The following DGKH variants were observed in gnomAD, a reference collection of about 807,000 sequenced individuals.
The protein encoded by DGKH is DAG kinase eta.
In DGKH, 90 loss-of-function variants were observed where a neutral mutation model predicts 159.3. The observed-to-expected ratio is 0.57, with a 90% CI of 0.48 to 0.67. The LOEUF (loss-of-function observed/expected upper bound fraction) is 0.67. Ranked by LOEUF, DGKH falls within the 30% of genes least tolerant of loss-of-function variation. The probability of loss-of-function intolerance (pLI) is 0.00; values close to 1 mark genes in which losing one functional copy is unlikely to be tolerated. For missense variants in DGKH, 1,181 were observed against 1,506.1 expected, an observed-to-expected ratio of 0.78 and a Z score of 3.57; for synonymous variants, 536 against 553.8, an observed-to-expected ratio of 0.97 and a Z score of 0.45.
chr13:42,069,378 T>G, intron 1 of DGKH: 1 of 1,509,832 alleles, frequency 6.6e-7, no homozygotes, highest in South Asian at 1.2e-5. Context: ...CTGTTTTTCT[T>G]GACTTACTGA....
chr13:42,074,262 G>GT (rs753374923), intron 1 of DGKH, among the ~76,000 whole-genome samples: 3 of 152,048 alleles, frequency 2.0e-5, no homozygotes, highest in African/African-American at 2.4e-5. Flanking sequence ...TTTGGCTTAG[G>GT]TATTGCTATT....
intron 29 of DGKH, among the ~76,000 whole-genome samples, chr13:42,248,407 C>T (rs1463442589): frequency 1.3e-5 from 2 of 149,088 alleles, no homozygotes; most frequent in Non-Finnish European, 3.0e-5. Flanking sequence ...GCCTGGGTAA[C>T]AGAGCGAGAC....
At chr13:42,165,193 T>G in intron 7 of DGKH, 138 bp from the exon 8 acceptor site, 1 of 459,670 alleles carries the variant, frequency 2.2e-6, no homozygotes, top group East Asian at 3.5e-5. Context: ...GTATAAATGT[T>G]ATACCATTTA....
rs145781520 is a variant in DGKH, at chr13:42,151,220, C to T, written c.385-4071C>T. On this transcript the variant is annotated intron_variant, in intron 3 of 29. Transcript: ENST00000337343. ...GGTGAAGTCTGGATTTTTAGTGTAA[C>T]CATCACCTGAATAGTGCACATTGTG... Among the ~76,000 whole-genome samples the T allele has an allele frequency of 5.8e-3, 881 of 152,032 alleles. 9 individuals are homozygous for T. Among genetic ancestry groups the T allele is most frequent in the Non-Finnish European group, 7.1e-3 (485 of 67,962 alleles).
chr13:42,138,956 GT>G (rs1427333169), intron 3 of DGKH, among the ~76,000 whole-genome samples: 2 of 152,136 alleles, frequency 1.3e-5, no homozygotes, highest in Non-Finnish European at 2.9e-5. Context: ...TTTATGTTAA[GT>G]TTAAAATTCA....
rs1958293574 is a variant in DGKH, at chr13:42,231,537, A to C, written c.*2349A>C. ...CAGGTTCCCAGAACTCTCTAACATT[A>C]CAGATCTCTGTCCATCTTTACTAAA... On this transcript the variant is annotated 3_prime_UTR_variant, in exon 30 of 30. Coordinates refer to ENST00000337343, the MANE Select transcript of DGKH (RefSeq NM_178009.5). 1 of 152,168 alleles carries C rather than the reference A, an allele frequency of 6.6e-6. No individual in the cohort carries two copies. The highest frequency in any genetic ancestry group is 2.4e-5 in the African/African-American group (1 of 41,404). The allele number at this position is 152,168 out of a possible 1,614,324, so 9.4% of individuals were successfully genotyped here.
chr13:42,243,217 T>C (rs1268042994), downstream of DGKH, among the ~76,000 whole-genome samples: 2 of 152,168 alleles, frequency 1.3e-5, no homozygotes, highest in East Asian at 3.8e-4. Context: ...GGGCAACCAC[T>C]TCTATACTTT....
At chr13:42,052,653 A>G (rs908983571) in intron 1 of DGKH, among the ~76,000 whole-genome samples, 1 of 152,262 alleles carries the variant, frequency 6.6e-6, no homozygotes, top group South Asian at 2.1e-4. Flanking sequence ...ACGCTAATAC[A>G]GATTCAGACA....
rs1958266293 is a variant in DGKH, at chr13:42,230,648, A to G, written c.*1460A>G. ...GTAGCCTGCTAGGTGCTTAATAGAT[A>G]TATATACACACAGATATATACATAT... On this transcript the variant is annotated 3_prime_UTR_variant, in exon 30 of 30. Coordinates refer to ENST00000337343, the MANE Select transcript of DGKH (RefSeq NM_178009.5). 2 of 152,042 alleles carry G rather than the reference A, an allele frequency of 1.3e-5. No individual in the cohort carries two copies. The highest frequency in any genetic ancestry group is 4.8e-5 in the African/African-American group (2 of 41,426). 9.4% of individuals were successfully genotyped at this position (152,042 alleles called of 1,614,324 possible).
In DGKH at chr13:42,189,273, A is replaced by G. The variant is rs1382922456; in HGVS notation, c.1876A>G (p.Lys626Glu). 6.2e-7 allele frequency: 1 copy of G among 1,614,244 alleles called. No homozygotes were observed. Among genetic ancestry groups the G allele is most frequent in the Non-Finnish European group, 8.5e-7 (1 of 1,180,038 alleles). ...CATGTTGCGGGCAAATAGTTTAAAG[A>G]AAGCAGTGAGGCAAGTCATTGAGGA... ...EIMLRANSLK[K>E]AVRQVIEEAG... The change falls in exon 15 of 30, where the codon AAA becomes GAA. Residue 626 changes from lysine (K) to glutamate (E), a missense_variant. Physicochemically the swap from Lys to Glu is moderately conservative, Grantham distance 56. Around this residue, in one of 5 missense-constraint regions of DGKH, gnomAD observed 257 missense variants for 281.5 expected, o/e 0.91. Transcript: ENST00000337343.
At chr13:42,221,705 T>G (rs1957978646) in intron 29 of DGKH, among the ~76,000 whole-genome samples, 1 of 152,246 alleles carries the variant, frequency 6.6e-6, no homozygotes, top group African/African-American at 2.4e-5. Flanking sequence ...CAGCTCATTT[T>G]ATTGCATCAG....
chr13:42,133,760 A>G (rs1955340400), intron 3 of DGKH, among the ~76,000 whole-genome samples: 1 of 152,204 alleles, frequency 6.6e-6, no homozygotes, highest in Admixed American at 6.5e-5. Context: ...GTAGGGACTA[A>G]AAAGTTAGGC....
At chr13:42,115,259 G>A (rs140809314) in intron 1 of DGKH, among the ~76,000 whole-genome samples, 8 of 152,168 alleles carry the variant, frequency 5.3e-5, no homozygotes, top group South Asian at 2.1e-4. Context: ...AGTTTTAATC[G>A]TTTAATTTCT....
intron 14 of DGKH, among the ~76,000 whole-genome samples, chr13:42,188,484 T>TG (rs1350529254): frequency 3.9e-5 from 6 of 152,114 alleles, no homozygotes; most frequent in African/African-American, 1.4e-4. Context: ...ACCAAAGCTT[T>TG]GAAGGGGAGT....
At chr13:42,133,923 G>A (rs565900982) in intron 3 of DGKH, among the ~76,000 whole-genome samples, 108 of 152,226 alleles carry the variant, frequency 7.1e-4, no homozygotes, top group African/African-American at 2.5e-3. Flanking sequence ...GACTGCTACT[G>A]ATGCTGTTAT....
At chr13:42,085,458 TG>T (rs1954284992) in intron 1 of DGKH, among the ~76,000 whole-genome samples, 1 of 152,198 alleles carries the variant, frequency 6.6e-6, no homozygotes. Flanking sequence ...TTGGAGTTTG[TG>T]GCAATAGGTA....
At position 42,174,188 on chromosome 13, in the gene DGKH, A is replaced by G. The variant is rs201641709; in HGVS notation, c.1452+44A>G. The G allele has an allele frequency of 5.2e-5, 73 of 1,407,640 alleles. No homozygotes were observed. The East Asian group carries it at 5.7e-4, about 11-fold the overall frequency. The allele number at this position is 1,407,640 out of a possible 1,614,324, so 87.2% of individuals were successfully genotyped here. A position where few individuals can be genotyped will look rare whatever the true frequency, so the allele number is the denominator to read the frequency against. On this transcript the variant is annotated intron_variant, in intron 12 of 29. Transcript: ENST00000337343. ...CCTATCATTTGAAATGGGGGTGGAT[A>G]TCTTGAGAAAAAAAAAAGAAAGAGA... is the stretch of plus-strand genomic sequence containing the variant.
At chr13:42,056,505 T>G (rs1210065434) in intron 1 of DGKH, among the ~76,000 whole-genome samples, 2 of 152,206 alleles carry the variant, frequency 1.3e-5, no homozygotes, top group Non-Finnish European at 2.9e-5. Context: ...ATTTTATTGG[T>G]TACAGAGCAG....
intron 1 of DGKH, among the ~76,000 whole-genome samples, chr13:42,097,355 A>G (rs1278879812): frequency 6.6e-6 from 1 of 152,150 alleles, no homozygotes; most frequent in Non-Finnish European, 1.5e-5. Flanking sequence ...TCACACACAC[A>G]AGAGAACACG....
Sources: allele counts gnomAD v4.1 joint callset (sites outside exome capture counted in the v4.1 genomes callset), GRCh38; gene constraint gnomAD v4.1.1; regional missense constraint gnomAD v4.1.1; transcripts MANE v1.5; gene names NCBI Gene and HGNC (gene_info 2026-07-23, HGNC 2026-07-21).